PAN2: variants seen among roughly 807,000 people sequenced by gnomAD.
PAN2 encodes the protein PAN2-PAN3 deadenylation complex catalytic subunit PAN2.
In PAN2, 68 loss-of-function variants were observed where a neutral mutation model predicts 133.3. The observed-to-expected ratio is 0.51, with a 90% CI of 0.42 to 0.62. PAN2 has a LOEUF of 0.62. Ranked by LOEUF, PAN2 falls within the 20% of genes least tolerant of loss-of-function variation. The pLI, the probability that PAN2 is intolerant of heterozygous loss-of-function variation, is 0.00. For synonymous variants in PAN2, 462 were observed against 544.6 expected (o/e 0.85, Z 2.11); for missense variants, 1,042 against 1,500.5 (o/e 0.69, Z 5.05).
intron 8 of PAN2, 73 bp from the exon 9 acceptor site, chr12:56,325,527 A>C (rs1875015407): frequency 6.5e-7 from 1 of 1,544,240 alleles, no homozygotes; most frequent in African/African-American, 1.4e-5. Flanking sequence ...TTATCCCAAC[A>C]TTGAAACAGC....
chr12:56,322,057 G>A (rs1380723940), intron 20 of PAN2, 21 bp downstream of exon 20: 5 of 1,353,500 alleles, frequency 3.7e-6, no homozygotes, highest in Non-Finnish European at 5.3e-6. Flanking sequence ...CACACACTTG[G>A]GTCTACTATG....
At chr12:56,330,304 A>G (rs1043148736) in intron 2 of PAN2, among the ~76,000 whole-genome samples, 1 of 151,056 alleles carries the variant, frequency 6.6e-6, no homozygotes, top group South Asian at 2.1e-4. Flanking sequence ...CAAAATAGCA[A>G]CATTTCCCAC....
intron 24 of PAN2, 193 bp from the exon 25 acceptor site, chr12:56,318,627 G>C: frequency 1.7e-6 from 1 of 578,302 alleles, no homozygotes. Flanking sequence ...CACTAACTGA[G>C]GGTCTCCCCT....
rs761334179 is a variant in PAN2, at chr12:56,322,479, C to T, written c.2641G>A (p.Val881Ile). 2.3e-5 allele frequency: 37 copies of T among 1,613,702 alleles called. No homozygotes were observed. Among genetic ancestry groups the T allele is most frequent in the South Asian group, 8.8e-5 (8 of 91,072 alleles). ...AACAGATACCACTGCTGGTGAGTAA[C>T]GCCCTATGGAAATACAAAGAAAGCC... The part of the protein sequence containing the change: ...GETYHQRKEG[V>I]THQQWYLFND... Residue 881 changes from valine (V) to isoleucine (I), a missense_variant, in exon 19 of 26, where the codon GTT becomes ATT. By Grantham distance (29) the Val-to-Ile change is conservative (BLOSUM62 3). Transcript: ENST00000440411.
In PAN2 at chr12:56,324,086, GGCTC is replaced by G. The variant is rs1451641567; in HGVS notation, c.2024_2027del (p.Arg675ProfsTer26). The stretch of plus-strand genomic sequence containing the variant: ...AGAGTGTGAAAAGCAGAGTGGATGA[GGCTC>G]GCACGGTCTCACTGCCACAGCGGCA... On this transcript the variant is annotated frameshift_variant, in exon 13 of 26. Coordinates refer to ENST00000440411, the MANE Select transcript of PAN2 (RefSeq NM_014871.6). LOFTEE classifies it high-confidence loss of function. The G allele has an allele frequency of 6.2e-7, 1 of 1,614,018 alleles. No individual in the cohort carries two copies. Among genetic ancestry groups the G allele is most frequent in the African/African-American group, 1.3e-5 (1 of 74,908 alleles).
In PAN2 at chr12:56,323,490, G is replaced by C; in HGVS notation, c.2271+10C>G. On this transcript the variant is annotated intron_variant, in intron 15 of 25. Transcript: ENST00000440411. ...ATTCCGGAAGCCTTGTTTCTAGTCT[G>C]AGTCCTTACCTCAGCCTGCATTCTC... 6.2e-7 allele frequency: 1 copy of C among 1,612,970 alleles called. No homozygotes were observed. The highest frequency in any genetic ancestry group is 8.5e-7 in the Non-Finnish European group (1 of 1,178,942).
chr12:56,329,406 G>A (rs1350057183), intron 2 of PAN2, among the ~76,000 whole-genome samples: 3 of 151,986 alleles, frequency 2.0e-5, no homozygotes, highest in Non-Finnish European at 4.4e-5. Flanking sequence ...CACGATCTCA[G>A]CTCACTGCAA....
chr12:56,326,461 C>T (rs923777501), intron 7 of PAN2, 52 bp from the exon 8 acceptor site: 5 of 1,537,710 alleles, frequency 3.3e-6, no homozygotes, highest in Non-Finnish European at 4.4e-6. Flanking sequence ...TACACTGGTC[C>T]ACTCCCCAAT....
chr12:56,326,542 G>A, intron 7 of PAN2, 75 bp downstream of exon 7: 4 of 1,519,150 alleles, frequency 2.6e-6, no homozygotes, highest in Non-Finnish European at 3.5e-6. Flanking sequence ...AATAACAACA[G>A]GGCTAGCAGA....
At position 56,325,079 on chromosome 12, in the gene PAN2, T is replaced by G. The variant is rs1244884981; in HGVS notation, c.1529A>C (p.His510Pro). Residue 510 changes from histidine to proline, a missense_variant, in exon 10 of 26, where the codon CAC becomes CCC. Transcript: ENST00000440411. Reference sequence around the variant, plus strand: ...TCCAGCAAACAAGGTCTTATTGTAGTGTTTGAAGTCAAAGTCCTCCAGCCC... The same window carrying G: ...TCCAGCAAACAAGGTCTTATTGTAGGGTTTGAAGTCAAAGTCCTCCAGCCC... ...KLGLEDFDFKHYNKTLFAGLE... is the reference protein window; with the variant it reads ...KLGLEDFDFKPYNKTLFAGLE... 6.2e-7 allele frequency: 1 copy of G among 1,613,840 alleles called. No individual in the cohort carries two copies. Among genetic ancestry groups the G allele is most frequent in the Non-Finnish European group, 8.5e-7 (1 of 1,179,858 alleles).
At chr12:56,327,766 A>G in intron 5 of PAN2, 135 bp from the exon 6 acceptor site, 1 of 1,276,304 alleles carries the variant, frequency 7.8e-7, no homozygotes, top group Non-Finnish European at 1.1e-6. Context: ...GAAAAGGCAA[A>G]CAGAGAAGCC....
rs553804944 is a variant in PAN2 at position 56,333,939 on chromosome 12, G to A, written c.-192C>T. 7 of 152,284 alleles carry A rather than the reference G, an allele frequency of 4.6e-5. No individual in the cohort carries two copies. The East Asian group carries it at 1.4e-3, about 29-fold the overall frequency. 9.4% of individuals were successfully genotyped at this position (152,284 alleles called of 1,614,324 possible). A position where few individuals can be genotyped will look rare whatever the true frequency, so the allele number is the denominator to read the frequency against. ...GGGGAGCGCAAGCGCTGTCAGCTCC[G>A]CGGGAAATTCCAGTTTCCCCAGTTC... On this transcript the variant is annotated 5_prime_UTR_variant, in exon 1 of 26. Coordinates refer to ENST00000440411, the MANE Select transcript of PAN2 (RefSeq NM_014871.6).
At chr12:56,329,237 C>G (rs879754742) in intron 2 of PAN2, among the ~76,000 whole-genome samples, 7 of 152,012 alleles carry the variant, frequency 4.6e-5, no homozygotes, top group Admixed American at 2.0e-4. Context: ...TCTATGGTAC[C>G]AAGATCTACC....
At position 56,327,462 on chromosome 12, in the gene PAN2, A is replaced by G; in HGVS notation, c.821T>C (p.Met274Thr). 6.2e-7 allele frequency: 1 copy of G among 1,614,244 alleles called. No individual in the cohort carries two copies. The highest frequency in any genetic ancestry group is 8.5e-7 in the Non-Finnish European group (1 of 1,180,056). Residue 274 changes from methionine to threonine, a missense_variant, in exon 6 of 26, where the codon ATG becomes ACG. By Grantham distance (81) the Met-to-Thr change is moderately conservative. Transcript: ENST00000440411. ...DRFLKVYDLR[M>T]MRAITPLQVH... ...TTGAAGTGGTGTGATGGCACGCATC[A>G]TGCGCAAATCATACACCTTGAGGAA...
chr12:56,327,709 C>A, intron 5 of PAN2, 78 bp from the exon 6 acceptor site: 3 of 1,509,798 alleles, frequency 2.0e-6, no homozygotes, highest in Non-Finnish European at 2.7e-6. Context: ...CCAGTGGGGT[C>A]CCTACCAAAG....
rs1874798219 is a variant in PAN2 at position 56,323,609 on chromosome 12, GAAAC to G, written c.2173-15_2173-12del. The G allele has an allele frequency of 6.2e-7, 1 of 1,611,242 alleles. No individual in the cohort carries two copies. Among genetic ancestry groups the G allele is most frequent in the Non-Finnish European group, 8.5e-7 (1 of 1,177,428 alleles). On this transcript the variant is annotated splice_polypyrimidine_tract_variant and intron_variant, in intron 14 of 25. Transcript: ENST00000440411. ...GTTGCGGGTCTGAATCTGAGAGGAA[GAAAC>G]AAACAAGGAATGGCAGGGAATGTAC...
intron 5 of PAN2, 21 bp downstream of exon 5, chr12:56,327,974 G>A: frequency 6.2e-7 from 1 of 1,613,744 alleles, no homozygotes; most frequent in Non-Finnish European, 8.5e-7. Context: ...TGCAGTGGGA[G>A]GAGAAATGGA....
Position 56,322,604 on chromosome 12 carries a change from A to G in PAN2, c.2637+11T>C. The G allele has an allele frequency of 6.2e-7, 1 of 1,613,890 alleles. No homozygotes were observed. The highest frequency in any genetic ancestry group is 1.6e-4 in the Middle Eastern group (1 of 6,062). Reference sequence around the variant, plus strand: ...CCCAGGAGTGTTCCTGCCCTCTACAACCTCACTCACCTCCTTGCGCTGGTG... The same window carrying G: ...CCCAGGAGTGTTCCTGCCCTCTACAGCCTCACTCACCTCCTTGCGCTGGTG... On this transcript the variant is annotated intron_variant, in intron 18 of 25. Coordinates refer to ENST00000440411, the MANE Select transcript of PAN2 (RefSeq NM_014871.6).
In PAN2 at chr12:56,317,415, GA is replaced by G. The variant is rs1158414863; in HGVS notation, c.*193del. ...GTTTTGCAAAGAATGAAGAAGGAAT[GA>G]ATCTGGCTCCTAGAACCTTTGCAAC... On this transcript the variant is annotated 3_prime_UTR_variant, in exon 26 of 26. Coordinates refer to ENST00000440411, the MANE Select transcript of PAN2 (RefSeq NM_014871.6). The G allele has an allele frequency of 1.7e-6, 1 of 605,758 alleles. No homozygotes were observed. Among genetic ancestry groups the G allele is most frequent in the Non-Finnish European group, 3.0e-6 (1 of 334,190 alleles). The allele number at this position is 605,758 out of a possible 1,614,324, so 37.5% of individuals were successfully genotyped here.
Sources: gnomAD v4.1 joint callset for allele counts (sites outside exome capture counted in the v4.1 genomes callset) on GRCh38, gnomAD v4.1.1 for gene constraint, MANE v1.5 for transcripts, NCBI Gene and HGNC (gene_info 2026-07-23, HGNC 2026-07-21) for gene names.